GCNT1: variants seen among roughly 807,000 people sequenced by gnomAD.
The protein encoded by GCNT1 is glucosaminyl (N-acetyl) transferase 1, also known as beta-1,3-galactosyl-O-glycosyl-glycoprotein beta-1,6-N-acetylglucosaminyltransferase.
A neutral mutation model predicts 26.2 loss-of-function variants in GCNT1; 16 were observed. The ratio of observed to expected loss-of-function variants is 0.61; its 90% CI spans 0.41 to 0.93. The LOEUF is 0.93. Among genes scored for constraint, GCNT1 ranks in the 40% least tolerant of loss-of-function variants. The probability of loss-of-function intolerance (pLI) is 0.00; values close to 1 mark genes in which losing one functional copy is unlikely to be tolerated. For synonymous variants in GCNT1, 183 were observed against 190.8 expected (o/e 0.96, Z 0.34); for missense variants, 477 against 526.7 (o/e 0.91, Z 0.92).
the GCNT1 span, among the ~76,000 whole-genome samples, chr9:76,405,632 G>A: frequency 6.6e-6 from 1 of 152,116 alleles, no homozygotes; most frequent in Admixed American, 6.6e-5. Context: ...CACATAGTTG[G>A]AATTATAAAA....
At chr9:76,454,196 C>T (rs1179617823), upstream of GCNT1, among the ~76,000 whole-genome samples, 1 of 151,680 alleles carries the variant, frequency 6.6e-6, no homozygotes, top group Non-Finnish European at 1.5e-5. Context: ...GCCTGACCAA[C>T]ATGGTGAAAA....
chr9:76,443,985 GGAAGGAAGA>G lies in GCNT1; in HGVS notation c.-290+1671_-290+1679del, dbSNP rs1823529522. Among the ~76,000 whole-genome samples the G allele has an allele frequency of 1.3e-4, 16 of 122,646 alleles. No homozygotes were observed. The South Asian group carries it at 4.2e-3, about 32-fold the overall frequency. The allele number at this position is 122,646 out of a possible 152,430, so 80.5% of individuals were successfully genotyped here. On this transcript the variant is annotated intron_variant, in intron 1 of 2. Coordinates refer to the GCNT1 transcript ENST00000442371. ...AGGAAGGAAGGAAGGAAGGAAGGAA[GGAAGGAAGA>G]AAAAAAGAGCCAGAAGCATTTGTTG... is the stretch of plus-strand genomic sequence containing the variant.
chr9:76,503,410 T>C lies in GCNT1; in HGVS notation c.1029T>C (p.Asp343=), dbSNP rs1361359220. 3 of 1,614,108 alleles carry C rather than the reference T, an allele frequency of 1.9e-6. No homozygotes were observed. Among genetic ancestry groups the C allele is most frequent in the Non-Finnish European group, 2.5e-6 (3 of 1,179,976 alleles). Residue 343 remains aspartate, a synonymous_variant, in exon 4 of 4, where the codon GAT becomes GAC. Transcript: ENST00000376730. Reference sequence around the variant, plus strand: ...CACTCCCTGCCAGCCATAAGTATGATCTGTCTGACATGCAAGCAGTTGCCA... The same window carrying C: ...CACTCCCTGCCAGCCATAAGTATGACCTGTCTGACATGCAAGCAGTTGCCA... ...PGSLPASHKY[D]LSDMQAVARF...
chr9:76,500,466 C>T lies in GCNT1; in HGVS notation c.-289-450C>T, dbSNP rs1272754027. On this transcript the variant is annotated intron_variant, in intron 2 of 3. Transcript: ENST00000376730. ...TTTTGTTACCGAAGCTCCCCGTGGT[C>T]GCTTTCTGATAGAGGTGTGGAGTGG... Among the ~76,000 whole-genome samples the T allele has an allele frequency of 3.3e-5, 5 of 152,162 alleles. No individual in the cohort carries two copies. In the South Asian group the frequency reaches 8.3e-4, roughly 25 times the overall value.
chr9:76,414,607 A>T, the GCNT1 span, among the ~76,000 whole-genome samples: 4 of 152,328 alleles, frequency 2.6e-5, no homozygotes, highest in East Asian at 7.7e-4. Flanking sequence ...CAGAAAAAGG[A>T]TGAAGAGTTT....
chr9:76,493,813 C>T (rs1033789087), intron 2 of GCNT1, among the ~76,000 whole-genome samples: 2 of 152,162 alleles, frequency 1.3e-5, no homozygotes, highest in Non-Finnish European at 2.9e-5. Context: ...TTTCACTCCA[C>T]TTGCCTTCCC....
intron 1 of GCNT1, among the ~76,000 whole-genome samples, chr9:76,434,249 A>T (rs1271284856): frequency 6.6e-6 from 1 of 152,176 alleles, no homozygotes; most frequent in African/African-American, 2.4e-5. Flanking sequence ...ATGTAGTATG[A>T]TTATCATCAT....
chr9:76,464,588 G>A (rs1423552136), intron 2 of GCNT1, among the ~76,000 whole-genome samples: 1 of 152,072 alleles, frequency 6.6e-6, no homozygotes, highest in African/African-American at 2.4e-5. Context: ...CCAGGTTGGA[G>A]TGCAGTGGCT....
At chr9:76,417,091 T>G (rs1362267847), upstream of GCNT1, among the ~76,000 whole-genome samples, 3 of 152,172 alleles carry the variant, frequency 2.0e-5, no homozygotes, top group Non-Finnish European at 4.4e-5. Flanking sequence ...AATGTGTCAC[T>G]TATCTGCCTT....
At chr9:76,496,665 T>C (rs974615824) in intron 2 of GCNT1, among the ~76,000 whole-genome samples, 2 of 152,222 alleles carry the variant, frequency 1.3e-5, no homozygotes, top group African/African-American at 4.8e-5. Context: ...CTTCCTTGAC[T>C]AGCTTTCCTT....
At chr9:76,456,461 C>A (rs1268711602), upstream of GCNT1, among the ~76,000 whole-genome samples, 2 of 152,202 alleles carry the variant, frequency 1.3e-5, no homozygotes, top group Non-Finnish European at 2.9e-5. Flanking sequence ...CTTCCCCTCT[C>A]CCCAGCTCTG....
intron 1 of GCNT1, among the ~76,000 whole-genome samples, chr9:76,423,587 T>C (rs1823226102): frequency 6.6e-6 from 1 of 152,248 alleles, no homozygotes; most frequent in Admixed American, 6.5e-5. Context: ...GTTACCAGTT[T>C]TGGCAAGCTT....
rs149891551 is a variant in GCNT1, at chr9:76,491,346, T to A, written c.-289-9570T>A. Among the ~76,000 whole-genome samples, 256 of 152,358 alleles carry A rather than the reference T, an allele frequency of 1.7e-3. 1 individual carries two copies. The highest frequency in any genetic ancestry group is 5.8e-3 in the African/African-American group (242 of 41,582). ...TTTGATGGCTTCGGCAGTGTAAGAC[T>A]GCCACCTCTTTGGGTTTTTGCACTG... On this transcript the variant is annotated intron_variant, in intron 2 of 3. Coordinates refer to ENST00000376730, the MANE Select transcript of GCNT1 (RefSeq NM_001490.5).
the GCNT1 span, among the ~76,000 whole-genome samples, chr9:76,403,958 A>G: frequency 5.9e-5 from 9 of 152,232 alleles, no homozygotes; most frequent in Admixed American, 5.9e-4. Flanking sequence ...AAAACTTTCT[A>G]GGACACTGGA....
chr9:76,501,574 C>G (rs749331979), intron 3 of GCNT1, among the ~76,000 whole-genome samples: 1 of 152,130 alleles, frequency 6.6e-6, no homozygotes, highest in Non-Finnish European at 1.5e-5. Flanking sequence ...TGGGACTAAC[C>G]CAACACAGTC....
the GCNT1 span, among the ~76,000 whole-genome samples, chr9:76,411,243 A>C: frequency 6.6e-6 from 1 of 151,910 alleles, no homozygotes; most frequent in African/African-American, 2.4e-5. Flanking sequence ...ACTCTTTTCT[A>C]TTCATTGTCT....
chr9:76,487,551 G>A (rs533889848), intron 2 of GCNT1, among the ~76,000 whole-genome samples: 4 of 152,182 alleles, frequency 2.6e-5, no homozygotes, highest in Admixed American at 2.0e-4. Context: ...GAGCCACCGC[G>A]CCCAGCCAGT....
chr9:76,417,865 G>A (rs558853539), upstream of GCNT1, among the ~76,000 whole-genome samples: 15 of 152,290 alleles, frequency 9.8e-5, no homozygotes, highest in African/African-American at 3.6e-4. Context: ...TTGTAGAGGG[G>A]CCAAGGGAAA....
chr9:76,499,767 T>A (rs1825011546), intron 2 of GCNT1, among the ~76,000 whole-genome samples: 1 of 152,214 alleles, frequency 6.6e-6, no homozygotes, highest in Non-Finnish European at 1.5e-5. Context: ...CTGCTGTTAT[T>A]AATATCTTAC....
Sources: gnomAD v4.1 joint callset for allele counts (sites outside exome capture counted in the v4.1 genomes callset) on GRCh38, gnomAD v4.1.1 for gene constraint, MANE v1.5 for transcripts, NCBI Gene and HGNC (gene_info 2026-07-23, HGNC 2026-07-21) for gene names.